Variants in EMILIN2 observed in about 807,000 individuals in gnomAD.
EMILIN2 encodes the protein elastin microfibril interfacer 2, also known as EMILIN-2.
Under a neutral mutation model 87.1 loss-of-function variants are expected in EMILIN2, and 71 were observed. The observed-to-expected ratio is 0.82, with a 90% CI of 0.67 to 0.99. The LOEUF is 0.99. Ranked by LOEUF, EMILIN2 falls within the 50% of genes least tolerant of loss-of-function variation. EMILIN2 has a pLI of 0.00. For synonymous variants in EMILIN2, 581 were observed against 563.4 expected, an observed-to-expected ratio of 1.03 and a Z score of -0.44; for missense variants, 1,407 against 1,371.8, an observed-to-expected ratio of 1.03 and a Z score of -0.40.
rs905448333 is a variant in EMILIN2, at chr18:2,913,866, G to A, written c.*462G>A. ...AAGTGCCGAAGTGGCCCGTGCCGCC[G>A]CACAGAGACCCCGACTTTAGTTTGG... On this transcript the variant is annotated 3_prime_UTR_variant, in exon 8 of 8. Coordinates refer to ENST00000254528, the MANE Select transcript of EMILIN2 (RefSeq NM_032048.3). 4.4e-5 allele frequency: 7 copies of A among 159,694 alleles called. No homozygotes were observed. Among genetic ancestry groups the A allele is most frequent in the East Asian group, 3.8e-4 (2 of 5,262 alleles). 9.9% of individuals were successfully genotyped at this position (159,694 alleles called of 1,614,324 possible).
intron 2 of EMILIN2, among the ~76,000 whole-genome samples, chr18:2,858,522 C>CATAT (rs202158489): frequency 8.4e-3 from 383 of 45,556 alleles, no homozygotes; most frequent in Middle Eastern, 0.026. Context: ...AGTATTCCAT[C>CATAT]ATATATATAT....
At position 2,847,443 on chromosome 18, in the gene EMILIN2, C is replaced by T. The variant is rs992718385; in HGVS notation, c.134+121C>T. Reference sequence around the variant, plus strand: ...GCCGGGGGCCTCCCTTGGACTTCCCCGGGCGGCTCCCTCTGCGGGGGACCG... The same window carrying T: ...GCCGGGGGCCTCCCTTGGACTTCCCTGGGCGGCTCCCTCTGCGGGGGACCG... On this transcript the variant is annotated intron_variant, in intron 1 of 7. Coordinates refer to ENST00000254528, the MANE Select transcript of EMILIN2 (RefSeq NM_032048.3). This position sits in a 1 kb window ranked among gnomAD's most constrained non-coding sequence, Gnocchi z 4.5. 9.0e-7 allele frequency: 1 copy of T among 1,109,726 alleles called. No homozygotes were observed. The highest frequency in any genetic ancestry group is 1.1e-6 in the Non-Finnish European group (1 of 877,266). The allele number at this position is 1,109,726 out of a possible 1,614,324, so 68.7% of individuals were successfully genotyped here.
rs1342274715 is a variant in EMILIN2 at position 2,915,949 on chromosome 18, T to A, written c.*2545T>A. The A allele has an allele frequency of 1.3e-5, 2 of 152,212 alleles. No individual in the cohort carries two copies. Among genetic ancestry groups the A allele is most frequent in the Non-Finnish European group, 2.9e-5 (2 of 68,034 alleles). The allele number at this position is 152,212 out of a possible 1,614,324, so 9.4% of individuals were successfully genotyped here. A position where few individuals can be genotyped will look rare whatever the true frequency, so the allele number is the denominator to read the frequency against. On this transcript the variant is annotated 3_prime_UTR_variant, in exon 8 of 8. Coordinates refer to ENST00000254528, the MANE Select transcript of EMILIN2 (RefSeq NM_032048.3). Reference sequence around the variant, plus strand: ...TAACAAATGGCCTCATTTACACGATTAAAAACAAAATGGTATCGTCAATAA... The same window carrying A: ...TAACAAATGGCCTCATTTACACGATAAAAAACAAAATGGTATCGTCAATAA...
At chr18:2,873,046 A>ATT (rs199978156) in intron 2 of EMILIN2, among the ~76,000 whole-genome samples, 2 of 140,016 alleles carry the variant, frequency 1.4e-5, no homozygotes, top group Admixed American at 6.7e-5. Flanking sequence ...AGATTATGTG[A>ATT]TTTAAAAAAA....
At chr18:2,898,138 A>C (rs1005759134) in intron 4 of EMILIN2, among the ~76,000 whole-genome samples, 1 of 152,114 alleles carries the variant, frequency 6.6e-6, no homozygotes, top group Non-Finnish European at 1.5e-5. Flanking sequence ...CTTTTTCCCA[A>C]GTTGCCCAGC....
chr18:2,854,408 C>G (rs1014694119), intron 2 of EMILIN2, among the ~76,000 whole-genome samples: 2 of 151,988 alleles, frequency 1.3e-5, no homozygotes, highest in African/African-American at 4.8e-5. Flanking sequence ...CCTCAGGTTC[C>G]GAGGGGAGCA....
intron 2 of EMILIN2, among the ~76,000 whole-genome samples, chr18:2,856,745 C>T (rs942815467): frequency 1.3e-5 from 2 of 152,132 alleles, no homozygotes; most frequent in Non-Finnish European, 2.9e-5. Flanking sequence ...TACTTCCATC[C>T]TTGATGAAGT....
chr18:2,884,454 C>A (rs1460717122), intron 2 of EMILIN2, among the ~76,000 whole-genome samples: 1 of 152,194 alleles, frequency 6.6e-6, no homozygotes, highest in East Asian at 1.9e-4. Context: ...CCATGTTAGC[C>A]AGGCTAGTCT....
At chr18:2,878,927 G>C (rs962584500) in intron 2 of EMILIN2, among the ~76,000 whole-genome samples, 3 of 152,148 alleles carry the variant, frequency 2.0e-5, no homozygotes, top group Admixed American at 6.5e-5. Flanking sequence ...TGTCCCCAAG[G>C]GGGCAACGGG....
chr18:2,875,386 G>A (rs1296083501), intron 2 of EMILIN2, among the ~76,000 whole-genome samples: 2 of 152,228 alleles, frequency 1.3e-5, no homozygotes, highest in Non-Finnish European at 2.9e-5. Flanking sequence ...GGGATCGTGA[G>A]ACCAGTGTTC....
intron 5 of EMILIN2, among the ~76,000 whole-genome samples, chr18:2,907,605 C>T (rs1268357757): frequency 6.6e-6 from 1 of 152,228 alleles, no homozygotes; most frequent in Non-Finnish European, 1.5e-5. Flanking sequence ...CTGGGAAGTG[C>T]TCCCCATGAG....
chr18:2,858,601 A>ATATATG (rs745894577), intron 2 of EMILIN2, among the ~76,000 whole-genome samples: 16 of 103,602 alleles, frequency 1.5e-4, no homozygotes, highest in Middle Eastern at 4.6e-3. Context: ...ATATATATAT[A>ATATATG]TGTGTATATA....
At position 2,891,796 on chromosome 18, in the gene EMILIN2, A is replaced by G. The variant is rs2076838502; in HGVS notation, c.1669A>G (p.Ile557Val). The change falls in exon 4 of 8, where the codon ATC (isoleucine) becomes GTC (valine). Residue 557 changes from isoleucine to valine, a missense_variant. Transcript: ENST00000254528. This position sits in a 1 kb window ranked among gnomAD's most constrained non-coding sequence, Gnocchi z 4.6. ...QVVEDICLLNIQGKPHGMEGA... is the reference protein window; with the variant it reads ...QVVEDICLLNVQGKPHGMEGA... ...TGTTGAAGACATTTGCCTGCTGAACATCCAGGGAAAGCCTCATGGGATGGA... is the reference window on the plus strand; with the variant it reads ...TGTTGAAGACATTTGCCTGCTGAACGTCCAGGGAAAGCCTCATGGGATGGA... The G allele has an allele frequency of 6.2e-7, 1 of 1,614,100 alleles. No homozygotes were observed. The highest frequency in any genetic ancestry group is 1.3e-5 in the African/African-American group (1 of 74,936).
chr18:2,883,204 G>T (rs938712853), intron 2 of EMILIN2, among the ~76,000 whole-genome samples: 1 of 152,072 alleles, frequency 6.6e-6, no homozygotes, highest in Non-Finnish European at 1.5e-5. Context: ...GAGTGTAATT[G>T]TCAGTGTGTG....
chr18:2,847,073 C>G lies in EMILIN2; in HGVS notation c.-116C>G, dbSNP rs2076577857. ...GAGCACTGGTTGGAGCGCCGCGAAG[C>G]GCCCGAGCCTCTTGCCTTCGCGGGC... On this transcript the variant is annotated 5_prime_UTR_variant, in exon 1 of 8. Transcript: ENST00000254528. This position sits in a 1 kb window ranked among gnomAD's most constrained non-coding sequence, Gnocchi z 4.5. 1.9e-6 allele frequency: 2 copies of G among 1,076,628 alleles called. No individual in the cohort carries two copies. The highest frequency in any genetic ancestry group is 2.4e-5 in the South Asian group (1 of 42,342). 66.7% of individuals were successfully genotyped at this position (1,076,628 alleles called of 1,614,324 possible).
In EMILIN2 at chr18:2,894,793, G is replaced by C. The variant is rs1397464420; in HGVS notation, c.2359+2307G>C. Among the ~76,000 whole-genome samples the C allele has an allele frequency of 6.6e-6, 1 of 152,162 alleles. No homozygotes were observed. The highest frequency in any genetic ancestry group is 2.4e-5 in the African/African-American group (1 of 41,428). ...CTCCTCTGCCCTTGTCTAGCATCCA[G>C]GTCTAGGAGACCTGGAACCTGAGTA... On this transcript the variant is annotated intron_variant, in intron 4 of 7. Transcript: ENST00000254528. This position sits in a 1 kb window ranked among gnomAD's most constrained non-coding sequence, Gnocchi z 5.0.
chr18:2,876,114 T>C (rs1598492615), intron 2 of EMILIN2, among the ~76,000 whole-genome samples: 1 of 151,566 alleles, frequency 6.6e-6, no homozygotes, highest in African/African-American at 2.4e-5. Context: ...CCTGAGAAGC[T>C]GAGACAACAG....
At position 2,868,291 on chromosome 18, in the gene EMILIN2, A is replaced by C. The variant is rs1179926035; in HGVS notation, c.258-16673A>C. On this transcript the variant is annotated intron_variant, in intron 2 of 7. Transcript: ENST00000254528. Reference sequence around the variant, plus strand: ...CTTCCTAGATGGGATGGCGGCGGGGAAGAGGCGCTCCTCACTTTCCAGACT... The same window carrying C: ...CTTCCTAGATGGGATGGCGGCGGGGCAGAGGCGCTCCTCACTTTCCAGACT... Among the ~76,000 whole-genome samples the C allele has an allele frequency of 3.9e-3, 576 of 148,970 alleles. 5 individuals are homozygous for C. Among genetic ancestry groups the C allele is most frequent in the African/African-American group, 0.014 (545 of 40,080 alleles).
chr18:2,906,853 G>T lies in EMILIN2; in HGVS notation c.2430G>T (p.Arg810Ser). The change falls in exon 5 of 8, where the codon AGG becomes AGT. Residue 810 changes from arginine to serine, a missense_variant. Transcript: ENST00000254528. ...TGCAGCCCGAGCCCGCCCCGCCGAG[G>T]CCCAGCGGCCCCGCAACCGCAGAGG... ...EPLQPEPAPP[R>S]PSGPATAEDP... The T allele has an allele frequency of 7.4e-7, 1 of 1,355,568 alleles. No individual in the cohort carries two copies. Among genetic ancestry groups the T allele is most frequent in the South Asian group, 1.8e-5 (1 of 55,888 alleles). 84.0% of individuals were successfully genotyped at this position (1,355,568 alleles called of 1,614,324 possible).
Sources: allele counts gnomAD v4.1 joint callset (sites outside exome capture counted in the v4.1 genomes callset), GRCh38; gene constraint gnomAD v4.1.1; non-coding constraint Gnocchi (gnomAD v3.1); transcripts MANE v1.5; gene names NCBI Gene and HGNC (gene_info 2026-07-23, HGNC 2026-07-21).